The following LUZP2 variants were observed in gnomAD, a reference collection of about 807,000 sequenced individuals.
LUZP2 encodes the protein leucine zipper protein 2.
A neutral mutation model predicts 51.6 loss-of-function variants in LUZP2; 52 were observed. The ratio of observed to expected loss-of-function variants is 1.01; its 90% CI spans 0.81 to 1.27. The LOEUF is 1.27. LUZP2 is among the 50% of genes most tolerant of loss of function. The probability of loss-of-function intolerance (pLI) is 0.00; values close to 1 mark genes in which losing one functional copy is unlikely to be tolerated. For missense variants in LUZP2, 436 were observed against 395.4 expected (o/e 1.10, Z -0.87); for synonymous variants, 154 against 137.3 (o/e 1.12, Z -0.85).
At chr11:24,667,277 G>A (rs775823646) in intron 1 of LUZP2, among the ~76,000 whole-genome samples, 5 of 144,940 alleles carry the variant, frequency 3.4e-5, no homozygotes, top group East Asian at 2.1e-4. Flanking sequence ...TCCACCTCCC[G>A]GATTGAAGCG....
rs148902673 is a variant in LUZP2, at chr11:24,889,955, A to G, written c.397-16036A>G. Reference sequence around the variant, plus strand: ...GTATATCATAAATGCTTTAAGTTAAATGATGTTCATTTCTCTGCTTTAACA... The same window carrying G: ...GTATATCATAAATGCTTTAAGTTAAGTGATGTTCATTTCTCTGCTTTAACA... On this transcript the variant is annotated intron_variant, in intron 5 of 11. Coordinates refer to ENST00000336930, the MANE Select transcript of LUZP2 (RefSeq NM_001009909.4). Among the ~76,000 whole-genome samples, 6 of 152,310 alleles carry G rather than the reference A, an allele frequency of 3.9e-5. No individual in the cohort carries two copies. In the East Asian group the frequency reaches 1.2e-3, roughly 29 times the overall value.
intron 1 of LUZP2, among the ~76,000 whole-genome samples, chr11:24,614,445 C>T (rs1590243888): frequency 6.6e-6 from 1 of 151,908 alleles, no homozygotes; most frequent in Non-Finnish European, 1.5e-5. Flanking sequence ...TTTCATTTAA[C>T]CCCCTAAAAA....
chr11:24,909,768 G>T (rs751112620), intron 6 of LUZP2, among the ~76,000 whole-genome samples: 1 of 152,130 alleles, frequency 6.6e-6, no homozygotes, highest in East Asian at 1.9e-4. Context: ...ACAGTCTCAG[G>T]TATTTCTTTA....
chr11:25,015,361 G>A (rs768442306), intron 9 of LUZP2, among the ~76,000 whole-genome samples: 1 of 152,232 alleles, frequency 6.6e-6, no homozygotes, highest in East Asian at 1.9e-4. Flanking sequence ...AAAGAAGTTA[G>A]CATTTGTACA....
At chr11:24,838,724 A>G (rs1850934532) in intron 5 of LUZP2, among the ~76,000 whole-genome samples, 1 of 151,700 alleles carries the variant, frequency 6.6e-6, no homozygotes, top group Non-Finnish European at 1.5e-5. Flanking sequence ...TTTCAGTTGC[A>G]TTCATATAGT....
chr11:24,840,836 C>A (rs1183590256), intron 5 of LUZP2, among the ~76,000 whole-genome samples: 1 of 151,992 alleles, frequency 6.6e-6, no homozygotes, highest in Non-Finnish European at 1.5e-5. Context: ...TTGTCAGCAT[C>A]ATTCTATCTA....
intron 1 of LUZP2, among the ~76,000 whole-genome samples, chr11:24,565,491 T>C (rs1014677291): frequency 6.6e-6 from 1 of 152,166 alleles, no homozygotes. Context: ...GGAACACTCA[T>C]GTTCAATACC....
At chr11:25,014,557 A>G (rs1023474131) in intron 9 of LUZP2, among the ~76,000 whole-genome samples, 1 of 152,166 alleles carries the variant, frequency 6.6e-6, no homozygotes, top group African/African-American at 2.4e-5. Context: ...TCTTTTGAGT[A>G]GTGTCTGTTC....
chr11:24,796,957 G>A (rs776959238), intron 5 of LUZP2, among the ~76,000 whole-genome samples: 3 of 152,070 alleles, frequency 2.0e-5, no homozygotes, highest in Admixed American at 2.0e-4. Flanking sequence ...AGACAACAAA[G>A]CATGGTGGAC....
At chr11:24,650,676 T>A (rs2133962062) in intron 1 of LUZP2, among the ~76,000 whole-genome samples, 1 of 152,168 alleles carries the variant, frequency 6.6e-6, no homozygotes, top group South Asian at 2.1e-4. Context: ...ATGGCTGAAA[T>A]TCCTACATAA....
chr11:24,823,422 A>AC (rs1850421996), intron 5 of LUZP2, among the ~76,000 whole-genome samples: 1 of 151,908 alleles, frequency 6.6e-6, no homozygotes, highest in Admixed American at 6.6e-5. Context: ...TTTGGGCCAT[A>AC]GAAGACCTTG....
At chr11:24,815,082 G>T (rs1197596946) in intron 5 of LUZP2, among the ~76,000 whole-genome samples, 2 of 151,704 alleles carry the variant, frequency 1.3e-5, no homozygotes, top group African/African-American at 4.8e-5. Flanking sequence ...ATATTGATTT[G>T]CTAGGTTGAG....
chr11:25,019,960 C>A (rs1857284285), intron 9 of LUZP2, among the ~76,000 whole-genome samples: 1 of 152,070 alleles, frequency 6.6e-6, no homozygotes, highest in African/African-American at 2.4e-5. Flanking sequence ...CAGATTTTCA[C>A]ATCCTGGATT....
rs371629080 is a variant in LUZP2, at chr11:24,914,512, T to C, written c.496T>C (p.Tyr166His). 2.5e-6 allele frequency: 4 copies of C among 1,609,702 alleles called. No individual in the cohort carries two copies. The highest frequency in any genetic ancestry group is 1.7e-5 in the Admixed American group (1 of 58,984). ...KIQAQLKELR[Y>H]GKKDLLFKAQ... ...CCAAGCCCAGCTGAAGGAGCTTCGT[T>C]ATGGGAAGAAGGATTTATTATTTAA... Residue 166 changes from tyrosine (Y) to histidine (H), a missense_variant, in exon 7 of 12, where the codon TAT becomes CAT. Coordinates refer to ENST00000336930, the MANE Select transcript of LUZP2 (RefSeq NM_001009909.4).
At chr11:24,967,936 A>G (rs1487375621) in intron 7 of LUZP2, among the ~76,000 whole-genome samples, 1 of 152,042 alleles carries the variant, frequency 6.6e-6, no homozygotes, top group Non-Finnish European at 1.5e-5. Context: ...GTTGCGATGG[A>G]GATTGTGGTT....
intron 5 of LUZP2, among the ~76,000 whole-genome samples, chr11:24,792,542 A>G (rs964367984): frequency 2.0e-5 from 3 of 152,068 alleles, no homozygotes; most frequent in Admixed American, 1.3e-4. Context: ...ATTACCACAT[A>G]TCTTTATAAG....
At chr11:25,054,737 C>T (rs560098698) in intron 10 of LUZP2, among the ~76,000 whole-genome samples, 191 of 151,708 alleles carry the variant, frequency 1.3e-3, no homozygotes, top group African/African-American at 4.5e-3. Flanking sequence ...TTAGTGGTTA[C>T]CATAGTAGGT....
At chr11:25,049,896 AT>A (rs1364719761) in intron 9 of LUZP2, 141 bp from the exon 10 acceptor site, 1 of 399,946 alleles carries the variant, frequency 2.5e-6, no homozygotes, top group African/African-American at 2.1e-5. Context: ...ACAAATTTCC[AT>A]TTTCTTGTTT....
chr11:24,649,335 G>T (rs755267090), intron 1 of LUZP2, among the ~76,000 whole-genome samples: 1 of 151,938 alleles, frequency 6.6e-6, no homozygotes, highest in Non-Finnish European at 1.5e-5. Context: ...CTTGAAGAGG[G>T]TGATTTTTAT....
Sources: allele counts gnomAD v4.1 joint callset (sites outside exome capture counted in the v4.1 genomes callset), GRCh38; gene constraint gnomAD v4.1.1; transcripts MANE v1.5; gene names NCBI Gene and HGNC (gene_info 2026-07-23, HGNC 2026-07-21).